The following LTN1 variants were observed in gnomAD, a reference collection of about 807,000 sequenced individuals.
LTN1 encodes E3 ubiquitin-protein ligase listerin.
A neutral mutation model predicts 201.2 loss-of-function variants in LTN1; 88 were observed. The observed-to-expected ratio is 0.44, with a 90% CI of 0.37 to 0.52. The LOEUF is 0.52. LTN1 is among the 20% of genes least tolerant of loss of function. LTN1 has a pLI of 0.00. For synonymous variants in LTN1, 645 were observed against 713.5 expected (o/e 0.90, Z 1.53); for missense variants, 1,752 against 2,038.7 (o/e 0.86, Z 2.71).
At chr21:28,933,487 A>G (rs1334798335) in intron 27 of LTN1, among the ~76,000 whole-genome samples, 2 of 152,084 alleles carry the variant, frequency 1.3e-5, no homozygotes, top group Non-Finnish European at 1.5e-5. Context: ...GAATTGTACC[A>G]CTTTAGACCG....
intron 16 of LTN1, among the ~76,000 whole-genome samples, chr21:28,956,109 T>C (rs1171080402): frequency 1.3e-5 from 2 of 152,068 alleles, no homozygotes; most frequent in East Asian, 3.9e-4. Context: ...GACTGATGGT[T>C]ACCCTGAGAA....
intron 1 of LTN1, among the ~76,000 whole-genome samples, chr21:28,992,322 T>C (rs921816845): frequency 6.6e-6 from 1 of 151,920 alleles, no homozygotes; most frequent in African/African-American, 2.4e-5. Context: ...AAATATACCA[T>C]CCTAAGAGCT....
At position 28,944,430 on chromosome 21, in the gene LTN1, GA is replaced by G. The variant is rs1568836342; in HGVS notation, c.3934del (p.Ser1312ProfsTer13). The G allele has an allele frequency of 6.2e-7, 1 of 1,613,858 alleles. No homozygotes were observed. The highest frequency in any genetic ancestry group is 8.5e-7 in the Non-Finnish European group (1 of 1,179,890). ...NLISEWKEFF[S>X]QGIHSLLLPI... ...TAAAAGCAAACTGTGGATGCCTTGGGAAAAAAATTCTTTCCATTCACTGATT... is the reference window on the plus strand; with the variant it reads ...TAAAAGCAAACTGTGGATGCCTTGGGAAAAAATTCTTTCCATTCACTGATT... On this transcript the variant is annotated frameshift_variant, in exon 22 of 30. Transcript: ENST00000361371. LOFTEE classifies it high-confidence loss of function.
intron 1 of LTN1, among the ~76,000 whole-genome samples, chr21:28,991,298 AAAAAAAG>A (rs1233188198): frequency 6.6e-6 from 1 of 152,120 alleles, no homozygotes; most frequent in Non-Finnish European, 1.5e-5. Flanking sequence ...TACAAAAAAA[AAAAAAAG>A]AAAAAAGAGA....
At chr21:28,952,439 A>C (rs955858632) in intron 17 of LTN1, among the ~76,000 whole-genome samples, 175 bp from the exon 18 acceptor site, 2 of 152,226 alleles carry the variant, frequency 1.3e-5, no homozygotes, top group African/African-American at 2.4e-5. Context: ...AAGAGCTGAG[A>C]GTTTCGGCTT....
Position 28,932,635 on chromosome 21 carries a change from T to C in LTN1, c.4905A>G (p.Val1635=). 1 of 1,613,032 alleles carries C rather than the reference T, an allele frequency of 6.2e-7. No individual in the cohort carries two copies. Among genetic ancestry groups the C allele is most frequent in the East Asian group, 2.2e-5 (1 of 44,858 alleles). ...TVKARATTRE[V]MATYTIEDIV... ...TGTCCTCAATAGTATAAGTAGCCAT[T>C]ACCTCTCGAGTAGTAGCTCGAGCTT... The change falls in exon 28 of 30, where the codon GTA becomes GTG. Residue 1635 remains valine, a synonymous_variant. Coordinates refer to ENST00000361371, the MANE Select transcript of LTN1 (RefSeq NM_015565.3).
chr21:28,956,715 T>C (rs568635946), intron 16 of LTN1, 47 bp downstream of exon 16: 2 of 938,676 alleles, frequency 2.1e-6, no homozygotes, highest in South Asian at 5.5e-5. Flanking sequence ...TTCAAAATTA[T>C]ATTCATTCAT....
intron 28 of LTN1, among the ~76,000 whole-genome samples, chr21:28,931,680 C>T (rs953871172): frequency 1.3e-5 from 2 of 152,166 alleles, no homozygotes; most frequent in Middle Eastern, 3.2e-3. Context: ...TCCAGCTCTA[C>T]AATATTGGTG....
At position 28,948,191 on chromosome 21, in the gene LTN1, C is replaced by CA. The variant is rs531979859; in HGVS notation, c.3345-586dup. 8.9e-3 allele frequency among the ~76,000 whole-genome samples: 649 copies of CA among 73,044 alleles called. 31 individuals carry two copies. The highest frequency in any genetic ancestry group is 0.019 in the East Asian group (54 of 2,794). 47.9% of individuals were successfully genotyped at this position (73,044 alleles called of 152,430 possible). A position where few individuals can be genotyped will look rare whatever the true frequency, so the allele number is the denominator to read the frequency against. ...CTGGTGATAAAGCAAAACTCTGTTT[C>CA]AAAAAAAAAAAAAAAAAAATAGAGT... On this transcript the variant is annotated intron_variant, in intron 18 of 29. Coordinates refer to ENST00000361371, the MANE Select transcript of LTN1 (RefSeq NM_015565.3).
chr21:28,964,498 C>T, intron 11 of LTN1: 1 of 1,320,434 alleles, frequency 7.6e-7, no homozygotes, highest in Non-Finnish European at 1.0e-6. Flanking sequence ...CTGTAGTGTA[C>T]ACATAACTTT....
At chr21:28,987,940 G>A (rs561244312) in intron 1 of LTN1, among the ~76,000 whole-genome samples, 2 of 151,274 alleles carry the variant, frequency 1.3e-5, no homozygotes, top group African/African-American at 2.4e-5. Context: ...TCAGGAGTTC[G>A]AGACCAGCCT....
At chr21:28,934,348 C>T (rs970023783) in intron 27 of LTN1, among the ~76,000 whole-genome samples, 9 of 152,098 alleles carry the variant, frequency 5.9e-5, no homozygotes, top group East Asian at 1.9e-4. Flanking sequence ...TCTGTATCCC[C>T]GCTCAAATCT....
chr21:28,975,771 T>C (rs1337836962), intron 6 of LTN1, among the ~76,000 whole-genome samples: 2 of 152,202 alleles, frequency 1.3e-5, no homozygotes, highest in East Asian at 3.8e-4. Flanking sequence ...ACATTGCTGG[T>C]AGGAGTACTA....
At chr21:28,960,392 A>G (rs1476437249) in intron 12 of LTN1, 125 bp downstream of exon 12, 7 of 695,812 alleles carry the variant, frequency 1.0e-5, no homozygotes, top group Non-Finnish European at 1.5e-5. Flanking sequence ...AAAGAAAAAA[A>G]AAAATTTGAA....
chr21:28,981,305 T>C lies in LTN1; in HGVS notation c.630-6A>G, dbSNP rs777733296. On this transcript the variant is annotated splice_region_variant and splice_polypyrimidine_tract_variant and intron_variant, in intron 5 of 29. Coordinates refer to ENST00000361371, the MANE Select transcript of LTN1 (RefSeq NM_015565.3). ...TTTCTTCCTCTGGAACAGTTCTTGA[T>C]ATAAAACAAAATAAATATATTTAAA... 7.0e-7 allele frequency: 1 copy of C among 1,438,358 alleles called. No individual in the cohort carries two copies. The highest frequency in any genetic ancestry group is 9.2e-7 in the Non-Finnish European group (1 of 1,088,634). 89.1% of individuals were successfully genotyped at this position (1,438,358 alleles called of 1,614,324 possible).
At chr21:28,961,365 T>C (rs935454481) in intron 11 of LTN1, 1 of 157,024 alleles carries the variant, frequency 6.4e-6, no homozygotes, top group Non-Finnish European at 1.5e-5. Context: ...TGATATAGAG[T>C]TACTAGGGCC....
rs772435129 is a variant in LTN1, at chr21:28,969,605, A to G, written c.1176-4T>C. 2 of 1,578,808 alleles carry G rather than the reference A, an allele frequency of 1.3e-6. No individual in the cohort carries two copies. Among genetic ancestry groups the G allele is most frequent in the South Asian group, 2.3e-5 (2 of 85,514 alleles). ...TTTAGTTCTCTCTGTTGACAGCCTA[A>G]GAAATAATTAATAACTGGATTACTC... is the stretch of plus-strand genomic sequence containing the variant. On this transcript the variant is annotated splice_polypyrimidine_tract_variant and splice_region_variant and intron_variant, in intron 8 of 29. Coordinates refer to ENST00000361371, the MANE Select transcript of LTN1 (RefSeq NM_015565.3).
intron 11 of LTN1, among the ~76,000 whole-genome samples, chr21:28,963,262 C>T (rs2084494640): frequency 1.3e-5 from 2 of 152,226 alleles, no homozygotes; most frequent in South Asian, 2.1e-4. Context: ...AAGTCAATGC[C>T]TGGCTTCCAA....
At chr21:28,940,576 A>G (rs1196791280) in intron 25 of LTN1, among the ~76,000 whole-genome samples, 1 of 152,190 alleles carries the variant, frequency 6.6e-6, no homozygotes, top group African/African-American at 2.4e-5. Context: ...CTCCGAAAAA[A>G]AAACAAAAAA....
Sources: gnomAD v4.1 joint callset for allele counts (sites outside exome capture counted in the v4.1 genomes callset) on GRCh38, gnomAD v4.1.1 for gene constraint, MANE v1.5 for transcripts, NCBI Gene and HGNC (gene_info 2026-07-23, HGNC 2026-07-21) for gene names.